The following HPCAL1 variants were observed in gnomAD, a reference collection of about 807,000 sequenced individuals.
The protein encoded by HPCAL1 is hippocalcin like 1, also known as hippocalcin-like protein 1.
In HPCAL1, 8 loss-of-function variants were observed where a neutral mutation model predicts 17.1. That is an observed-to-expected ratio of 0.47 (90% CI 0.27 to 0.84). HPCAL1 has a LOEUF of 0.84. Ranked by LOEUF, HPCAL1 falls within the 40% of genes least tolerant of loss-of-function variation. The pLI, the probability that HPCAL1 is intolerant of heterozygous loss-of-function variation, is 0.13. For synonymous variants in HPCAL1, 112 were observed against 111.4 expected (o/e 1.01, Z -0.03); for missense variants, 165 against 271.1 (o/e 0.61, Z 2.75).
intron 1 of HPCAL1, among the ~76,000 whole-genome samples, chr2:10,392,469 T>A (rs1352354633): frequency 6.6e-6 from 1 of 152,254 alleles, no homozygotes; most frequent in Non-Finnish European, 1.5e-5. Flanking sequence ...TCAAATTGTC[T>A]CTTTCTTGAG....
intron 3 of HPCAL1, among the ~76,000 whole-genome samples, chr2:10,421,199 AACGATC>A (rs1248351487): frequency 6.6e-6 from 1 of 152,164 alleles, no homozygotes; most frequent in African/African-American, 2.4e-5. Context: ...CTGAAGCATT[AACGATC>A]ACGAGAATCA....
intron 1 of HPCAL1, among the ~76,000 whole-genome samples, chr2:10,356,729 T>A (rs1369069330): frequency 1.3e-5 from 2 of 152,072 alleles, no homozygotes; most frequent in African/African-American, 4.8e-5. Flanking sequence ...TGAGATGCTC[T>A]CACCTGTGGG....
rs921401946 is a variant in HPCAL1, at chr2:10,316,810, T to G, written c.-111+13633T>G. Among the ~76,000 whole-genome samples the G allele has an allele frequency of 2.0e-5, 3 of 152,224 alleles. No individual in the cohort carries two copies. In the East Asian group the frequency reaches 5.8e-4, roughly 29 times the overall value. On this transcript the variant is annotated intron_variant, in intron 1 of 4. Coordinates refer to ENST00000307845, the MANE Select transcript of HPCAL1 (RefSeq NM_002149.4). ...TGCTTGCTGTTTCTTGGATTAGATATTGAAAGAATCCCATCTTTATAGTCT... is the reference window on the plus strand; with the variant it reads ...TGCTTGCTGTTTCTTGGATTAGATAGTGAAAGAATCCCATCTTTATAGTCT...
chr2:10,313,637 G>A (rs1663122134), intron 1 of HPCAL1, among the ~76,000 whole-genome samples: 1 of 152,198 alleles, frequency 6.6e-6, no homozygotes, highest in Admixed American at 6.5e-5. Context: ...TTGATGTCTG[G>A]CTTTGACTTG....
At chr2:10,418,219 C>T (rs557242307) in intron 2 of HPCAL1, among the ~76,000 whole-genome samples, 2 of 151,864 alleles carry the variant, frequency 1.3e-5, no homozygotes, top group Admixed American at 1.3e-4. Flanking sequence ...GAGTTTGAGA[C>T]CAACCTGGCC....
chr2:10,399,106 G>A (rs1304250527), intron 2 of HPCAL1, among the ~76,000 whole-genome samples: 2 of 151,724 alleles, frequency 1.3e-5, no homozygotes, highest in African/African-American at 4.9e-5. Context: ...AGCTGGAGCA[G>A]GCGAAGAGAT....
At chr2:10,387,405 C>A (rs12472210) in intron 1 of HPCAL1, among the ~76,000 whole-genome samples, 9,041 of 152,246 alleles carry the variant, frequency 0.059, 840 homozygotes, top group East Asian at 0.46. Flanking sequence ...CGTGGAGAAG[C>A]GCTTGGTGTA....
At chr2:10,334,148 G>A (rs895480239) in intron 1 of HPCAL1, among the ~76,000 whole-genome samples, 24 of 152,146 alleles carry the variant, frequency 1.6e-4, no homozygotes, top group Non-Finnish European at 5.9e-5. Context: ...ACACATGTGC[G>A]TAACCTTAAA....
chr2:10,353,277 T>A (rs748255633), intron 1 of HPCAL1, among the ~76,000 whole-genome samples: 4 of 152,168 alleles, frequency 2.6e-5, no homozygotes, highest in Non-Finnish European at 5.9e-5. Flanking sequence ...TTATTCTTTA[T>A]AATATTAATA....
intron 1 of HPCAL1, among the ~76,000 whole-genome samples, chr2:10,338,515 G>A (rs756258993): frequency 3.9e-5 from 6 of 152,190 alleles, no homozygotes; most frequent in Non-Finnish European, 7.3e-5. Context: ...GTGAGATGAA[G>A]TTGGTGGGTC....
chr2:10,363,888 C>T lies in HPCAL1; in HGVS notation c.-110-32947C>T, dbSNP rs532431691. Among the ~76,000 whole-genome samples, 37 of 152,334 alleles carry T rather than the reference C, an allele frequency of 2.4e-4. No homozygotes were observed. The highest frequency in any genetic ancestry group is 8.4e-4 in the African/African-American group (35 of 41,576). On this transcript the variant is annotated intron_variant, in intron 1 of 4. Coordinates refer to ENST00000307845, the MANE Select transcript of HPCAL1 (RefSeq NM_002149.4). This position sits in a 1 kb window ranked among gnomAD's most constrained non-coding sequence, Gnocchi z 4.7. ...TCTGTTTTAGGCACTGTCGGGGTTGCCTGCCTTCTGGTAAGCGTTTAGTGC... is the reference window on the plus strand; with the variant it reads ...TCTGTTTTAGGCACTGTCGGGGTTGTCTGCCTTCTGGTAAGCGTTTAGTGC...
intron 2 of HPCAL1, among the ~76,000 whole-genome samples, chr2:10,400,201 G>A (rs932290849): frequency 1.3e-5 from 2 of 152,190 alleles, no homozygotes; most frequent in African/African-American, 4.8e-5. Context: ...GGGCGAGCAG[G>A]CGGCTCAGCC....
Position 10,344,184 on chromosome 2 carries a change from G to A in HPCAL1, c.-111+41007G>A, listed in dbSNP as rs577932609. 6.6e-6 allele frequency among the ~76,000 whole-genome samples: 1 copy of A among 152,268 alleles called. No individual in the cohort carries two copies. Among genetic ancestry groups the A allele is most frequent in the Admixed American group, 6.5e-5 (1 of 15,290 alleles). On this transcript the variant is annotated intron_variant, in intron 1 of 4. Coordinates refer to ENST00000307845, the MANE Select transcript of HPCAL1 (RefSeq NM_002149.4). This position sits in a 1 kb window ranked among gnomAD's most constrained non-coding sequence, Gnocchi z 4.9. ...CCTACAGCTTTGATCTCGAAGTCTC[G>A]GCCGCTCCTGGCTCAGAGGACCCTG...
At chr2:10,410,181 C>T (rs572309939) in intron 2 of HPCAL1, among the ~76,000 whole-genome samples, 2 of 152,204 alleles carry the variant, frequency 1.3e-5, no homozygotes, top group Admixed American at 6.5e-5. Flanking sequence ...TGGCAAGCTT[C>T]GGGGATCTGA....
intron 1 of HPCAL1, among the ~76,000 whole-genome samples, chr2:10,366,707 C>T (rs1302097489): frequency 6.6e-6 from 1 of 152,198 alleles, no homozygotes; most frequent in Admixed American, 6.5e-5. Flanking sequence ...CCTTCTCTGG[C>T]ACCTGCCCCG....
intron 1 of HPCAL1, among the ~76,000 whole-genome samples, chr2:10,321,224 T>A (rs1240835237): frequency 6.6e-6 from 1 of 152,102 alleles, no homozygotes; most frequent in East Asian, 1.9e-4. Flanking sequence ...TGCCACACAC[T>A]TTTAAACAAC....
chr2:10,316,071 T>C (rs1663295275), intron 1 of HPCAL1, among the ~76,000 whole-genome samples: 1 of 152,230 alleles, frequency 6.6e-6, no homozygotes, highest in African/African-American at 2.4e-5. Flanking sequence ...AGTGTAGAGT[T>C]TGTTTATTAT....
intron 2 of HPCAL1, among the ~76,000 whole-genome samples, chr2:10,414,359 A>G (rs1670527039): frequency 6.6e-6 from 1 of 152,188 alleles, no homozygotes; most frequent in South Asian, 2.1e-4. Flanking sequence ...GGAGGCCAGA[A>G]GTCCAAGGTG....
In HPCAL1 at chr2:10,394,942, C is replaced by T. The variant is rs1169041651; in HGVS notation, c.-110-1893C>T. On this transcript the variant is annotated intron_variant, in intron 1 of 4. Coordinates refer to ENST00000307845, the MANE Select transcript of HPCAL1 (RefSeq NM_002149.4). This position sits in a 1 kb window ranked among gnomAD's most constrained non-coding sequence, Gnocchi z 5.0. ...TCCCAGGTAGCTGGGACTACAGGCA[C>T]GCACCACCACGCATGGCTAATTTTT... is the stretch of plus-strand genomic sequence containing the variant. 3.3e-5 allele frequency among the ~76,000 whole-genome samples: 5 copies of T among 151,830 alleles called. No individual in the cohort carries two copies. The highest frequency in any genetic ancestry group is 1.9e-4 in the East Asian group (1 of 5,182).
Sources: gnomAD v4.1 joint callset for allele counts (sites outside exome capture counted in the v4.1 genomes callset) on GRCh38, gnomAD v4.1.1 for gene constraint, Gnocchi (gnomAD v3.1) non-coding constraint, MANE v1.5 for transcripts, NCBI Gene and HGNC (gene_info 2026-07-23, HGNC 2026-07-21) for gene names.